KCTD21: variants seen among roughly 807,000 people sequenced by gnomAD.
KCTD21 encodes potassium channel tetramerization domain containing 21, also known as BTB/POZ domain-containing protein KCTD21.
Under a neutral mutation model 13.2 loss-of-function variants are expected in KCTD21, and 9 were observed. The observed-to-expected ratio is 0.68, with a 90% CI of 0.41 to 1.19. KCTD21 has a LOEUF of 1.19. KCTD21 is among the 50% of genes most tolerant of loss of function. The pLI is 0.01. For missense variants in KCTD21, 303 were observed against 336.5 expected, an observed-to-expected ratio of 0.90 and a Z score of 0.78; for synonymous variants, 142 against 137.4, an observed-to-expected ratio of 1.03 and a Z score of -0.23.
intron 1 of KCTD21, chr11:78,188,245 C>T (rs1862866277): frequency 1.0e-6 from 1 of 984,344 alleles, no homozygotes; most frequent in South Asian, 4.7e-5. Flanking sequence ...AGTGCCCCAC[C>T]CCCACCTAGA....
Position 78,174,338 on chromosome 11 carries a change from C to T in KCTD21, c.217G>A (p.Asp73Asn). 6.2e-7 allele frequency: 1 copy of T among 1,614,124 alleles called. No individual in the cohort carries two copies. Among genetic ancestry groups the T allele is most frequent in the Middle Eastern group, 1.6e-4 (1 of 6,062 alleles). ...LRTSHLDLPE[D>N]FQEMGLLRRE... ...CGGAGCAGCCCCATCTCCTGGAAGT[C>T]CTCAGGCAGGTCAAGGTGGGAGGTC... Residue 73 changes from aspartate to asparagine, a missense_variant, in exon 2 of 2, where the codon GAC (aspartate) becomes AAC (asparagine). By Grantham distance (23) the Asp-to-Asn change is conservative. Transcript: ENST00000340067.
Position 78,174,517 on chromosome 11 carries a change from A to C in KCTD21, c.38T>G (p.Leu13Arg). 6.2e-7 allele frequency: 1 copy of C among 1,613,382 alleles called. No homozygotes were observed. Among genetic ancestry groups the C allele is most frequent in the Non-Finnish European group, 8.5e-7 (1 of 1,179,714 alleles). The change falls in exon 2 of 2, where the codon CTC becomes CGC. Residue 13 changes from leucine (L) to arginine (R), a missense_variant. By Grantham distance (102) the Leu-to-Arg change is moderately radical. Coordinates refer to ENST00000340067, the MANE Select transcript of KCTD21 (RefSeq NM_001029859.3). ...CAGGGTCGCCAGTGAGGTTGTATAG[A>C]GCTTCCCCCCGACGTTCAGCGTGAT... ...DPITLNVGGK[L>R]YTTSLATLTS...
At chr11:78,183,639 CTTTT>C (rs201919205) in intron 1 of KCTD21, among the ~76,000 whole-genome samples, 1 of 141,966 alleles carries the variant, frequency 7.0e-6, no homozygotes. Context: ...AAAATTAATT[CTTTT>C]TTTTTTTTTT....
chr11:78,187,119 G>A (rs1303015992), intron 1 of KCTD21: 2 of 985,302 alleles, frequency 2.0e-6, no homozygotes, highest in Admixed American at 1.2e-4. Flanking sequence ...GTAAGGGAAT[G>A]GACAGCACGT....
intron 1 of KCTD21, among the ~76,000 whole-genome samples, chr11:78,182,819 T>C (rs658876): frequency 0.17 from 25,605 of 152,094 alleles, 2,355 homozygotes; most frequent in African/African-American, 0.23. Flanking sequence ...TAGCCAACAG[T>C]CTGTATACTC....
In KCTD21 at chr11:78,171,630, G is replaced by C. The variant is rs935385118; in HGVS notation, c.*2142C>G. The C allele has an allele frequency of 6.6e-6, 1 of 152,246 alleles. No individual in the cohort carries two copies. The highest frequency in any genetic ancestry group is 2.4e-5 in the African/African-American group (1 of 41,454). The allele number at this position is 152,246 out of a possible 1,614,324, so 9.4% of individuals were successfully genotyped here. A position where few individuals can be genotyped will look rare whatever the true frequency, so the allele number is the denominator to read the frequency against. Reference sequence around the variant, plus strand: ...TCCCAAGTACCCTTGGCCTGGGACAGCTGTCTTTTTTTGGGATGGAGTCTC... The same window carrying C: ...TCCCAAGTACCCTTGGCCTGGGACACCTGTCTTTTTTTGGGATGGAGTCTC... On this transcript the variant is annotated 3_prime_UTR_variant, in exon 2 of 2. Transcript: ENST00000340067.
At chr11:78,187,953 C>T (rs1862843909) in intron 1 of KCTD21, 1 of 985,296 alleles carries the variant, frequency 1.0e-6, no homozygotes, top group Non-Finnish European at 1.2e-6. Context: ...GCTATAGTGA[C>T]GCCTCTACTT....
At chr11:78,183,307 G>A (rs974890803) in intron 1 of KCTD21, among the ~76,000 whole-genome samples, 12 of 152,208 alleles carry the variant, frequency 7.9e-5, no homozygotes, top group East Asian at 3.9e-4. Flanking sequence ...AGGCCGAGGC[G>A]GGCGGATCAC....
rs572680448 is a variant in KCTD21 at position 78,188,419 on chromosome 11, C to G, written c.-30+154G>C. ...CTCACCTCGCTCCGAAACGCGCCCC[C>G]TCCCCCGCACCACAGGCGATGCCAT... On this transcript the variant is annotated intron_variant, in intron 1 of 1. Coordinates refer to ENST00000340067, the MANE Select transcript of KCTD21 (RefSeq NM_001029859.3). The G allele has an allele frequency of 6.1e-6, 6 of 985,666 alleles. No individual in the cohort carries two copies. In the South Asian group the frequency reaches 2.8e-4, roughly 46 times the overall value. 61.1% of individuals were successfully genotyped at this position (985,666 alleles called of 1,614,324 possible).
chr11:78,187,700 T>G (rs1862831179), intron 1 of KCTD21: 1 of 985,442 alleles, frequency 1.0e-6, no homozygotes, highest in African/African-American at 1.7e-5. Context: ...CATTTCATCC[T>G]CACAGTACTA....
chr11:78,187,166 G>A (rs1862803958), intron 1 of KCTD21: 3 of 985,296 alleles, frequency 3.0e-6, no homozygotes, highest in Non-Finnish European at 3.6e-6. Flanking sequence ...TGCTCAGAGT[G>A]AGTACTGTGT....
intron 1 of KCTD21, chr11:78,187,625 A>T (rs1015884395): frequency 1.2e-5 from 12 of 985,200 alleles, no homozygotes; most frequent in Non-Finnish European, 1.4e-5. Flanking sequence ...CCCCATTTCA[A>T]ACCGCTCTCT....
At position 78,180,863 on chromosome 11, in the gene KCTD21, AT is replaced by A. The variant is rs376102876; in HGVS notation, c.-29-6281del. On this transcript the variant is annotated intron_variant, in intron 1 of 1. Coordinates refer to ENST00000340067, the MANE Select transcript of KCTD21 (RefSeq NM_001029859.3). ...GGCAGGACTAGGTGGAGATGATTGAATCATTGGGGCGGTTTTCCTCATGCTG... is the reference window on the plus strand; with the variant it reads ...GGCAGGACTAGGTGGAGATGATTGAACATTGGGGCGGTTTTCCTCATGCTG... Among the ~76,000 whole-genome samples the A allele has an allele frequency of 1.7e-3, 250 of 151,502 alleles. 1 individual carries two copies. Among genetic ancestry groups the A allele is most frequent in the African/African-American group, 5.8e-3 (240 of 41,208 alleles).
chr11:78,188,611 G>A lies in KCTD21; in HGVS notation c.-68C>T. The A allele has an allele frequency of 5.1e-6, 5 of 985,498 alleles. No individual in the cohort carries two copies. Among genetic ancestry groups the A allele is most frequent in the Non-Finnish European group, 6.0e-6 (5 of 829,966 alleles). The allele number at this position is 985,498 out of a possible 1,614,324, so 61.0% of individuals were successfully genotyped here. ...TCTGCAGCCTCTCCCTCCGCGAGCG[G>A]CCAGCGCAGCTTTGCGAGGGGGGCG... On this transcript the variant is annotated 5_prime_UTR_variant, in exon 1 of 2. Transcript: ENST00000340067.
chr11:78,182,297 A>ACCC (rs11344762), intron 1 of KCTD21, among the ~76,000 whole-genome samples: 9 of 130,452 alleles, frequency 6.9e-5, no homozygotes, highest in African/African-American at 2.7e-4. Context: ...ATCCCAAAGC[A>ACCC]CCCCCCCCCC....
intron 1 of KCTD21, chr11:78,188,129 T>C: frequency 1.0e-6 from 1 of 985,402 alleles, no homozygotes; most frequent in South Asian, 4.7e-5. Context: ...GCAAGTTCCC[T>C]GTCATCTGTG....
intron 1 of KCTD21, among the ~76,000 whole-genome samples, chr11:78,182,043 G>A (rs1218066212): frequency 5.3e-5 from 8 of 152,202 alleles, no homozygotes; most frequent in Non-Finnish European, 1.2e-4. Flanking sequence ...CATGTCTCAC[G>A]TCTGCATAGT....
Position 78,172,537 on chromosome 11 carries a change from G to A in KCTD21, c.*1235C>T, listed in dbSNP as rs1201990943. Reference sequence around the variant, plus strand: ...TACAACAAAAGGGGACTGACTTACAGGGGATAGAAAAGAGCTAACTTTGAT... The same window carrying A: ...TACAACAAAAGGGGACTGACTTACAAGGGATAGAAAAGAGCTAACTTTGAT... On this transcript the variant is annotated 3_prime_UTR_variant, in exon 2 of 2. Coordinates refer to ENST00000340067, the MANE Select transcript of KCTD21 (RefSeq NM_001029859.3). 1 of 152,206 alleles carries A rather than the reference G, an allele frequency of 6.6e-6. No homozygotes were observed. The highest frequency in any genetic ancestry group is 1.5e-5 in the Non-Finnish European group (1 of 68,048). The allele number at this position is 152,206 out of a possible 1,614,324, so 9.4% of individuals were successfully genotyped here.
At chr11:78,184,013 C>A (rs1427424534) in intron 1 of KCTD21, among the ~76,000 whole-genome samples, 3 of 152,120 alleles carry the variant, frequency 2.0e-5, no homozygotes, top group Non-Finnish European at 4.4e-5. Context: ...CAATTTGCAA[C>A]CCTCAGTGTT....
Sources: allele counts gnomAD v4.1 joint callset (sites outside exome capture counted in the v4.1 genomes callset), GRCh38; gene constraint gnomAD v4.1.1; transcripts MANE v1.5; gene names NCBI Gene and HGNC (gene_info 2026-07-23, HGNC 2026-07-21).